Variants in BCL2 observed in about 807,000 individuals in gnomAD.
BCL2 encodes the protein apoptosis regulator Bcl-2.
A neutral mutation model predicts 14.2 loss-of-function variants in BCL2; 1 was observed. The ratio of observed to expected loss-of-function variants is 0.07; its 90% CI spans 0.02 to 0.33. BCL2 has a LOEUF of 0.33. Ranked by LOEUF, BCL2 falls within the 10% of genes least tolerant of loss-of-function variation. The pLI is 0.99. For missense variants in BCL2, 247 were observed against 305.9 expected, an observed-to-expected ratio of 0.81 and a Z score of 1.44; for synonymous variants, 151 against 137.2, an observed-to-expected ratio of 1.10 and a Z score of -0.70.
intron 2 of BCL2, among the ~76,000 whole-genome samples, chr18:63,211,350 G>A (rs1396606293): frequency 2.6e-5 from 4 of 151,964 alleles, no homozygotes; most frequent in Non-Finnish European, 4.4e-5. Flanking sequence ...GACCCACCGC[G>A]CCTGGCCATA....
At position 63,230,299 on chromosome 18, in the gene BCL2, A is replaced by G. The variant is rs947703101; in HGVS notation, c.585+87783T>C. Among the ~76,000 whole-genome samples, 3 of 152,206 alleles carry G rather than the reference A, an allele frequency of 2.0e-5. No individual in the cohort carries two copies. In the East Asian group the frequency reaches 5.8e-4, roughly 29 times the overall value. On this transcript the variant is annotated intron_variant, in intron 2 of 2. Transcript: ENST00000333681. The stretch of plus-strand genomic sequence containing the variant: ...TGAAATCAAAATGAAAGTAAAACAT[A>G]TTTAGGACTGAACAACTGAAGCCCT...
chr18:63,186,932 G>T (rs956643419), intron 2 of BCL2, among the ~76,000 whole-genome samples: 1 of 152,204 alleles, frequency 6.6e-6, no homozygotes, highest in South Asian at 2.1e-4. Flanking sequence ...ATAGCCAACT[G>T]CTTAGCCCAC....
chr18:63,218,392 G>A (rs1420223957), intron 2 of BCL2, among the ~76,000 whole-genome samples: 1 of 152,088 alleles, frequency 6.6e-6, no homozygotes, highest in East Asian at 1.9e-4. Flanking sequence ...CAGAGAGGTA[G>A]AGAGAAGGGA....
At chr18:63,169,304 CTT>C (rs1422914575) in intron 2 of BCL2, among the ~76,000 whole-genome samples, 1 of 67,146 alleles carries the variant, frequency 1.5e-5, no homozygotes, top group East Asian at 4.7e-4. Flanking sequence ...TTCTTTCTTT[CTT>C]TCTTCCTTCC....
intron 2 of BCL2, chr18:63,316,030 A>G (rs1913488056): frequency 6.6e-6 from 1 of 152,600 alleles, no homozygotes; most frequent in African/African-American, 2.4e-5. Context: ...ATGGTATGTC[A>G]TTGTGGTTTG....
At chr18:63,139,793 G>C (rs1914307146) in intron 2 of BCL2, among the ~76,000 whole-genome samples, 1 of 152,112 alleles carries the variant, frequency 6.6e-6, no homozygotes, top group Non-Finnish European at 1.5e-5. Flanking sequence ...CGAGGGCCCT[G>C]CCTGTTGTGG....
chr18:63,296,537 C>G (rs144173778), intron 2 of BCL2, among the ~76,000 whole-genome samples: 1 of 152,324 alleles, frequency 6.6e-6, no homozygotes, highest in African/African-American at 2.4e-5. Context: ...CACCTGGGCT[C>G]AAGTGATCCT....
intron 2 of BCL2, among the ~76,000 whole-genome samples, chr18:63,193,460 C>T (rs1909343613): frequency 1.3e-5 from 2 of 151,980 alleles, no homozygotes; most frequent in Admixed American, 1.3e-4. Context: ...TGTAGATGCT[C>T]ATATAAGTGG....
At chr18:63,290,163 G>A (rs1381548) in intron 2 of BCL2, among the ~76,000 whole-genome samples, 57,190 of 151,962 alleles carry the variant, frequency 0.38, 10,987 homozygotes, top group Middle Eastern at 0.45. Context: ...TGAGTCCAAG[G>A]AAGGTTTTGG....
intron 2 of BCL2, among the ~76,000 whole-genome samples, chr18:63,205,371 G>A (rs1035424581): frequency 1.3e-5 from 2 of 152,158 alleles, no homozygotes; most frequent in Non-Finnish European, 2.9e-5. Context: ...CATCTTGCCG[G>A]GCACAGAAGA....
At chr18:63,214,631 T>TG (rs1910146628) in intron 2 of BCL2, among the ~76,000 whole-genome samples, 2 of 148,702 alleles carry the variant, frequency 1.3e-5, no homozygotes, top group African/African-American at 4.9e-5. Context: ...TGTCGGGTAA[T>TG]AAAAAAAAAA....
intron 2 of BCL2, among the ~76,000 whole-genome samples, chr18:63,138,410 C>T (rs1263689157): frequency 6.6e-6 from 1 of 152,258 alleles, no homozygotes; most frequent in Non-Finnish European, 1.5e-5. Flanking sequence ...ATGCTTGCTT[C>T]TGTCCCCTGT....
chr18:63,139,623 T>A (rs1399363009), intron 2 of BCL2, among the ~76,000 whole-genome samples: 2 of 152,240 alleles, frequency 1.3e-5, no homozygotes, highest in Non-Finnish European at 2.9e-5. Flanking sequence ...CCCATGCTCC[T>A]GTCCTCATTT....
chr18:63,165,648 T>C (rs1156885808), intron 2 of BCL2, among the ~76,000 whole-genome samples: 3 of 151,936 alleles, frequency 2.0e-5, no homozygotes, highest in Non-Finnish European at 4.4e-5. Flanking sequence ...TCCTTGGGGG[T>C]GAAGGCCTCG....
At chr18:63,156,618 G>T (rs577082538) in intron 2 of BCL2, among the ~76,000 whole-genome samples, 1 of 152,064 alleles carries the variant, frequency 6.6e-6, no homozygotes, top group Non-Finnish European at 1.5e-5. Context: ...CCACCCTGGC[G>T]TCCACCTCCC....
intron 2 of BCL2, among the ~76,000 whole-genome samples, chr18:63,130,141 C>T (rs558162740): frequency 6.6e-6 from 1 of 152,140 alleles, no homozygotes; most frequent in Non-Finnish European, 1.5e-5. Flanking sequence ...ACATTTGGGT[C>T]CAATGAGTAT....
intron 2 of BCL2, among the ~76,000 whole-genome samples, chr18:63,137,461 T>C (rs1914237592): frequency 6.6e-6 from 1 of 152,230 alleles, no homozygotes; most frequent in Non-Finnish European, 1.5e-5. Flanking sequence ...TGTTTTACTA[T>C]ATGGCAGATT....
At chr18:63,284,504 T>C (rs1021727577) in intron 2 of BCL2, among the ~76,000 whole-genome samples, 1 of 152,312 alleles carries the variant, frequency 6.6e-6, no homozygotes, top group South Asian at 2.1e-4. Flanking sequence ...AGACTCTTCC[T>C]GGGGTTATTT....
At chr18:63,277,108 C>G (rs1485725373) in intron 2 of BCL2, among the ~76,000 whole-genome samples, 2 of 152,208 alleles carry the variant, frequency 1.3e-5, no homozygotes, top group African/African-American at 2.4e-5. Context: ...GACCCTCCAC[C>G]TGCCCCCTGT....
Sources: gnomAD v4.1 joint callset for allele counts (sites outside exome capture counted in the v4.1 genomes callset) on GRCh38, gnomAD v4.1.1 for gene constraint, MANE v1.5 for transcripts, NCBI Gene and HGNC (gene_info 2026-07-23, HGNC 2026-07-21) for gene names.